The following ACACA variants were observed in gnomAD, a reference collection of about 807,000 sequenced individuals.
ACACA encodes acetyl-CoA carboxylase alpha.
ACACA carries 103 observed loss-of-function variants against 296.1 expected under a neutral mutation model. That is an observed-to-expected ratio of 0.35 (90% CI 0.30 to 0.41). ACACA has a LOEUF of 0.41. Among genes scored for constraint, ACACA ranks in the 10% least tolerant of loss-of-function variants. The pLI is 1.00. For missense variants in ACACA, 1,554 were observed against 2,989.7 expected, an observed-to-expected ratio of 0.52 and a Z score of 11.20; for synonymous variants, 953 against 1,038.6, an observed-to-expected ratio of 0.92 and a Z score of 1.58.
intron 25 of ACACA, among the ~76,000 whole-genome samples, chr17:37,232,913 C>G (rs760576902): frequency 2.6e-5 from 4 of 152,122 alleles, no homozygotes; most frequent in Non-Finnish European, 5.9e-5. Flanking sequence ...TCCTCCTCCT[C>G]CTCCATCCTA....
chr17:37,143,878 T>C, intron 45 of ACACA: 1 of 1,548,086 alleles, frequency 6.5e-7, no homozygotes, highest in Non-Finnish European at 8.9e-7. Context: ...AGGCTGCTTG[T>C]CATCTGCAGC....
At position 37,113,008 on chromosome 17, in the gene ACACA, G is replaced by A; in HGVS notation, c.6452+80C>T. 1 of 1,540,506 alleles carries A rather than the reference G, an allele frequency of 6.5e-7. No individual in the cohort carries two copies. Among genetic ancestry groups the A allele is most frequent in the Non-Finnish European group, 8.9e-7 (1 of 1,119,136 alleles). On this transcript the variant is annotated intron_variant, in intron 51 of 55. Coordinates refer to ENST00000616317, the MANE Select transcript of ACACA (RefSeq NM_198834.3). This position sits in a 1 kb window ranked among gnomAD's most constrained non-coding sequence, Gnocchi z 4.0. ...CAGGATGTGGGTGCTGTAGTGCCAT[G>A]GCTGTAACATTCTCCAGGAGGAAAC...
chr17:37,102,232 T>C (rs2073405868), intron 52 of ACACA, among the ~76,000 whole-genome samples: 1 of 126,602 alleles, frequency 7.9e-6, no homozygotes, highest in East Asian at 2.4e-4. Context: ...TGAGACGGAG[T>C]CTTGCTCTGT....
At chr17:37,312,380 C>G (rs985824350) in intron 3 of ACACA, among the ~76,000 whole-genome samples, 1 of 152,166 alleles carries the variant, frequency 6.6e-6, no homozygotes. Flanking sequence ...CTGAATGCCT[C>G]CACCACTTAT....
intron 28 of ACACA, among the ~76,000 whole-genome samples, chr17:37,223,096 A>G (rs558083010): frequency 6.6e-6 from 1 of 152,364 alleles, no homozygotes; most frequent in South Asian, 2.1e-4. Flanking sequence ...GAAGTATTTC[A>G]TAAGAGCTGC....
rs772483773 is a variant in ACACA, at chr17:37,192,161, C to T, written c.4345G>A (p.Val1449Met). ...CTGTAGTCTGTCACTTCTGTGCCCA[C>T]TTCCACCTTGGCTGCCCCGAGATAC... ...HLYLGAAKVE[V>M]GTEVTDYRFF... The change falls in exon 37 of 56, where the codon GTG (valine) becomes ATG (methionine). Residue 1449 changes from valine to methionine, a missense_variant. Around this residue, in one of 16 missense-constraint regions of ACACA, gnomAD observed 179 missense variants for 283.2 expected, o/e 0.63. Transcript: ENST00000616317. 1.2e-5 allele frequency: 19 copies of T among 1,613,982 alleles called. No homozygotes were observed. The East Asian group carries it at 3.6e-4, about 30-fold the overall frequency.
At chr17:37,114,116 G>A (rs941488102) in intron 50 of ACACA, among the ~76,000 whole-genome samples, 11 of 151,364 alleles carry the variant, frequency 7.3e-5, no homozygotes, top group African/African-American at 9.7e-5. Context: ...CCAAGAGGTC[G>A]AGGCTGCAGT....
At chr17:37,297,504 CGT>C (rs1567960694) in intron 3 of ACACA, among the ~76,000 whole-genome samples, 2 of 144,470 alleles carry the variant, frequency 1.4e-5, no homozygotes, top group Middle Eastern at 3.5e-3. Flanking sequence ...TATATATGTG[CGT>C]GTGTTTGTGT....
In ACACA at chr17:37,210,582, G is replaced by C. The variant is rs2078701660; in HGVS notation, c.3684-92C>G. On this transcript the variant is annotated intron_variant, in intron 29 of 55. Coordinates refer to ENST00000616317, the MANE Select transcript of ACACA (RefSeq NM_198834.3). The stretch of plus-strand genomic sequence containing the variant: ...AGCAGATATAGACCAGTCATGAGGA[G>C]CTCCAGTTTGGCAGCTCTGGCATTC... 10 of 1,235,494 alleles carry C rather than the reference G, an allele frequency of 8.1e-6. 1 individual carries two copies. The highest frequency in any genetic ancestry group is 6.1e-5 in the South Asian group (5 of 82,536). The allele number at this position is 1,235,494 out of a possible 1,614,324, so 76.5% of individuals were successfully genotyped here.
intron 2 of ACACA, among the ~76,000 whole-genome samples, chr17:37,335,276 T>C (rs180860998): frequency 3.9e-5 from 6 of 152,284 alleles, no homozygotes; most frequent in African/African-American, 1.4e-4. Context: ...TCAATCCCTA[T>C]ACCTGAACAA....
intron 3 of ACACA, chr17:37,299,648 C>T: frequency 1.8e-6 from 2 of 1,119,686 alleles, no homozygotes; most frequent in Non-Finnish European, 2.2e-6. Flanking sequence ...AATATAAAAG[C>T]TTGTTTAACT....
At chr17:37,350,062 G>C (rs1427582047) in intron 1 of ACACA, among the ~76,000 whole-genome samples, 1 of 152,100 alleles carries the variant, frequency 6.6e-6, no homozygotes, top group African/African-American at 2.4e-5. Context: ...AGGCACAGTG[G>C]CTCACACCTG....
At chr17:37,246,301 T>C (rs934156737) in intron 19 of ACACA, among the ~76,000 whole-genome samples, 4 of 152,260 alleles carry the variant, frequency 2.6e-5, no homozygotes, top group Non-Finnish European at 5.9e-5. Flanking sequence ...TTGCCTAGTA[T>C]CTATTTTTAG....
At chr17:37,140,844 T>C in intron 45 of ACACA, 1 of 245,388 alleles carries the variant, frequency 4.1e-6, no homozygotes. Context: ...ATACTGGCCA[T>C]CATCAGCAGC....
At chr17:37,277,550 A>G (rs2082332712) in intron 6 of ACACA, among the ~76,000 whole-genome samples, 1 of 152,184 alleles carries the variant, frequency 6.6e-6, no homozygotes, top group Admixed American at 6.5e-5. Flanking sequence ...TTACTAACAC[A>G]ATGTGACAGG....
At chr17:37,247,941 A>G (rs1437661190) in intron 18 of ACACA, 70 bp downstream of exon 18, 33 of 1,597,972 alleles carry the variant, frequency 2.1e-5, no homozygotes, top group Non-Finnish European at 2.7e-5. Context: ...GGAAAATCCC[A>G]AGAGCTAGTA....
intron 3 of ACACA, among the ~76,000 whole-genome samples, chr17:37,322,789 C>G (rs189129451): frequency 6.6e-6 from 1 of 152,118 alleles, no homozygotes; most frequent in South Asian, 2.1e-4. Flanking sequence ...AACTCGGGGC[C>G]GTCAGAGAAG....
chr17:37,153,301 C>T lies in ACACA; in HGVS notation c.5448-1880G>A, dbSNP rs571022144. 1.2e-4 allele frequency among the ~76,000 whole-genome samples: 19 copies of T among 152,186 alleles called. No homozygotes were observed. In the South Asian group the frequency reaches 1.9e-3, roughly 15 times the overall value. The stretch of plus-strand genomic sequence containing the variant: ...CATGAAGAAATTGGCAGAATCTCAC[C>T]GTAACTATATTGTGTCTCAGGGCAC... On this transcript the variant is annotated intron_variant, in intron 43 of 55. Transcript: ENST00000616317.
intron 25 of ACACA, among the ~76,000 whole-genome samples, chr17:37,229,658 CT>C (rs886183956): frequency 6.6e-6 from 1 of 151,884 alleles, no homozygotes. Context: ...CGTAAAAGCA[CT>C]TTTTTTTAAA....
Sources: allele counts gnomAD v4.1 joint callset (sites outside exome capture counted in the v4.1 genomes callset), GRCh38; gene constraint gnomAD v4.1.1; regional missense constraint gnomAD v4.1.1; non-coding constraint Gnocchi (gnomAD v3.1); transcripts MANE v1.5; gene names NCBI Gene and HGNC (gene_info 2026-07-23, HGNC 2026-07-21).